BLTP1: variants seen among roughly 807,000 people sequenced by gnomAD.
BLTP1 encodes the protein fragile site-associated protein.
chr4:122,301,678 CTGTAT>C, the BLTP1 span, among the ~76,000 whole-genome samples: 2 of 152,206 alleles, frequency 1.3e-5, no homozygotes, highest in Admixed American at 1.3e-4. Flanking sequence ...TCTTGAACAT[CTGTAT>C]TGTATGTTGT....
the BLTP1 span, chr4:122,258,736 A>G: frequency 6.2e-7 from 1 of 1,614,048 alleles, no homozygotes; most frequent in Non-Finnish European, 8.5e-7. Context: ...ATTAGAAGGA[A>G]CAGCTAACCG....
chr4:122,224,049 T>G, the BLTP1 span: 1 of 980,312 alleles, frequency 1.0e-6, no homozygotes, highest in Non-Finnish European at 1.2e-6. Flanking sequence ...CCTCAGAATC[T>G]ATATGGAAGT....
chr4:122,353,146 T>G, the BLTP1 span: 1 of 1,613,280 alleles, frequency 6.2e-7, no homozygotes, highest in Non-Finnish European at 8.5e-7. The surrounding 1 kb of genome is among the most constrained non-coding windows in gnomAD (Gnocchi z 4.3). Flanking sequence ...TCAGAAAATC[T>G]GGGAAGATGG....
chr4:122,348,173 C>G, the BLTP1 span, among the ~76,000 whole-genome samples: 2 of 152,132 alleles, frequency 1.3e-5, no homozygotes, highest in African/African-American at 4.8e-5. Flanking sequence ...AAAAGACAGG[C>G]ACCCCAACCG....
the BLTP1 span, chr4:122,334,347 C>T: frequency 5.2e-6 from 8 of 1,541,336 alleles, no homozygotes. Context: ...AATACAGTTG[C>T]ATTACAATTC....
At chr4:122,327,657 G>T in the BLTP1 span, among the ~76,000 whole-genome samples, 1 of 150,154 alleles carries the variant, frequency 6.7e-6, no homozygotes, top group African/African-American at 2.5e-5. Context: ...GCTTTTAAAA[G>T]ATCCACAAAA....
At chr4:122,239,512 T>C in the BLTP1 span, 5 of 1,548,228 alleles carry the variant, frequency 3.2e-6, no homozygotes, top group South Asian at 6.0e-5. Flanking sequence ...GCTTTCTGTT[T>C]TAGTATCCCT....
At chr4:122,226,606 G>C in the BLTP1 span, 2 of 1,545,526 alleles carry the variant, frequency 1.3e-6, no homozygotes, top group Non-Finnish European at 8.6e-7. Context: ...ACAGTGTTTG[G>C]GTTCTTTCAA....
chr4:122,353,705 A>G, the BLTP1 span: 3 of 1,260,448 alleles, frequency 2.4e-6, no homozygotes, highest in East Asian at 2.6e-5. This position sits in a 1 kb window ranked among gnomAD's most constrained non-coding sequence, Gnocchi z 4.3. Flanking sequence ...CTTCATTTTT[A>G]TAGCCTTCCT....
the BLTP1 span, among the ~76,000 whole-genome samples, chr4:122,296,721 A>G: frequency 1.3e-5 from 2 of 152,220 alleles, no homozygotes; most frequent in African/African-American, 2.4e-5. Context: ...AAACAGACAC[A>G]TAGGCCAATG....
At chr4:122,310,672 T>C in the BLTP1 span, among the ~76,000 whole-genome samples, 13 of 152,300 alleles carry the variant, frequency 8.5e-5, no homozygotes, top group African/African-American at 2.6e-4. Context: ...CTCTCACATG[T>C]GGTTCATATG....
the BLTP1 span, chr4:122,267,050 A>AATTATT: frequency 1.1e-5 from 3 of 261,200 alleles, no homozygotes; most frequent in African/African-American, 2.0e-4. Context: ...ATAAGGAAGT[A>AATTATT]ATTTTTTTTT....
the BLTP1 span, chr4:122,264,042 C>T: frequency 2.1e-5 from 17 of 827,606 alleles, no homozygotes; most frequent in Middle Eastern, 6.3e-4. Context: ...ATAAGGATGA[C>T]ATGTGTTCTG....
the BLTP1 span, chr4:122,190,538 C>A: frequency 1.4e-6 from 1 of 739,342 alleles, no homozygotes; most frequent in Non-Finnish European, 1.7e-6. Context: ...TGAAAAATAT[C>A]TGTGTCATTT....
chr4:122,204,930 A>G, the BLTP1 span: 6 of 423,118 alleles, frequency 1.4e-5, no homozygotes, highest in South Asian at 4.9e-4. Context: ...TCTGTTGTCT[A>G]TTAATAGAAC....
chr4:122,282,776 G>C, the BLTP1 span, among the ~76,000 whole-genome samples: 1 of 152,066 alleles, frequency 6.6e-6, no homozygotes, highest in South Asian at 2.1e-4. Context: ...GCTTTTAGCT[G>C]TTTTGAACTT....
the BLTP1 span, among the ~76,000 whole-genome samples, chr4:122,157,624 G>A: frequency 1.3e-5 from 2 of 152,126 alleles, no homozygotes; most frequent in Non-Finnish European, 2.9e-5. Flanking sequence ...GTGTGGCCTA[G>A]TTCCTAACAG....
At chr4:122,227,032 C>CA in the BLTP1 span, 1 of 546,906 alleles carries the variant, frequency 1.8e-6, no homozygotes, top group Non-Finnish European at 2.7e-6. Flanking sequence ...TTAAAACATA[C>CA]AAATTAAAAA....
At chr4:122,188,856 A>G in the BLTP1 span, 2 of 732,094 alleles carry the variant, frequency 2.7e-6, no homozygotes, top group Non-Finnish European at 3.3e-6. Context: ...GTTTTATGTG[A>G]AACATGATTA....
Sources: allele counts gnomAD v4.1 joint callset (sites outside exome capture counted in the v4.1 genomes callset), GRCh38; gene constraint gnomAD v4.1.1; non-coding constraint Gnocchi (gnomAD v3.1); transcripts MANE v1.5; gene names NCBI Gene and HGNC (gene_info 2026-07-23, HGNC 2026-07-21).